The following RP1 variants were observed in gnomAD, a reference collection of about 807,000 sequenced individuals.
RP1 encodes RP1 axonemal microtubule associated, also known as oxygen-regulated protein 1.
In RP1, 16 loss-of-function variants were observed where a neutral mutation model predicts 14.8. The ratio of observed to expected loss-of-function variants is 1.08; its 90% confidence interval spans 0.73 to 1.65. The LOEUF is 1.65. Ranked by LOEUF, RP1 falls within the 40% of genes most tolerant of loss-of-function variation. RP1 has a pLI of 0.00. For synonymous variants in RP1, 876 were observed against 883.6 expected, an observed-to-expected ratio of 0.99 and a Z score of 0.15; for missense variants, 2,631 against 2,535.0, an observed-to-expected ratio of 1.04 and a Z score of -0.81.
At chr8:54,773,677 T>C (rs1809963796), downstream of RP1, among the ~76,000 whole-genome samples, 1 of 152,100 alleles carries the variant, frequency 6.6e-6, no homozygotes, top group South Asian at 2.1e-4. Flanking sequence ...CTCAGGAAAC[T>C]GTGGCTCAGA....
chr8:54,600,164 C>T (rs1805241860), intron 1 of RP1, among the ~76,000 whole-genome samples: 1 of 152,128 alleles, frequency 6.6e-6, no homozygotes, highest in African/African-American at 2.4e-5. Context: ...CTTTCCCATG[C>T]TGTTCTCGTG....
chr8:54,626,083 G>C lies in RP1; in HGVS notation c.2201G>C (p.Ser734Thr). 16 of 1,613,598 alleles carry C rather than the reference G, an allele frequency of 9.9e-6. No individual in the cohort carries two copies. The highest frequency in any genetic ancestry group is 1.4e-5 in the Non-Finnish European group (16 of 1,179,744). Residue 734 changes from serine to threonine, a missense_variant, in exon 4 of 4, where the codon AGT (serine) becomes ACT (threonine). Physicochemically the swap from Ser to Thr is moderately conservative, Grantham distance 58. Coordinates refer to ENST00000220676, the MANE Select transcript of RP1 (RefSeq NM_006269.2). Reference protein sequence around the residue: ...GILCEEDLQKSDTVIESNTFC... With the variant: ...GILCEEDLQKTDTVIESNTFC... ...CTTTGTGAGGAAGACCTCCAGAAAA[G>C]TGATACTGTAATTGAATCAAATACT... is the stretch of plus-strand genomic sequence containing the variant.
Position 54,622,098 on chromosome 8 carries a change from T to C in RP1, c.616-19T>C. 2 of 1,613,916 alleles carry C rather than the reference T, an allele frequency of 1.2e-6. No individual in the cohort carries two copies. Among genetic ancestry groups the C allele is most frequent in the South Asian group, 2.2e-5 (2 of 91,078 alleles). On this transcript the variant is annotated intron_variant, in intron 2 of 3. Transcript: ENST00000220676. The stretch of plus-strand genomic sequence containing the variant: ...ATAAAATGTGCTCATCTCAGGATAA[T>C]GACTCTGGTCTCTTTTAGGTTCCCA...
chr8:54,837,448 A>C lies in RP1; in HGVS notation c.3616-2A>C. ...AGTTCCCTTTTATCCTTTGTGTTGC[A>C]GATTAATCTCAAAGATATTGGTGAA... is the stretch of plus-strand genomic sequence containing the variant. On this transcript the variant is annotated splice_acceptor_variant, in intron 24 of 28. Transcript: ENST00000637698. LOFTEE classifies it high-confidence loss of function. The C allele has an allele frequency of 1.7e-6, 2 of 1,207,074 alleles. No individual in the cohort carries two copies. Among genetic ancestry groups the C allele is most frequent in the Non-Finnish European group, 2.1e-6 (2 of 965,224 alleles). The allele number at this position is 1,207,074 out of a possible 1,614,324, so 74.8% of individuals were successfully genotyped here.
chr8:54,709,560 G>A (rs1808247207), intron 15 of RP1, among the ~76,000 whole-genome samples: 1 of 152,204 alleles, frequency 6.6e-6, no homozygotes, highest in Admixed American at 6.5e-5. Context: ...TTGGGGAAGA[G>A]ATAGCCAAAA....
At chr8:54,838,655 G>A (rs1250267370) in intron 25 of RP1, among the ~76,000 whole-genome samples, 1 of 152,126 alleles carries the variant, frequency 6.6e-6, no homozygotes, top group South Asian at 2.1e-4. Flanking sequence ...ATGTATATGT[G>A]TATACGTGTG....
chr8:54,717,135 G>T (rs577440840), intron 15 of RP1, among the ~76,000 whole-genome samples: 1 of 152,014 alleles, frequency 6.6e-6, no homozygotes, highest in Non-Finnish European at 1.5e-5. Context: ...CGTCCTCCAG[G>T]TTCTAGGAAT....
chr8:54,718,386 G>T (rs1336224416), intron 15 of RP1, among the ~76,000 whole-genome samples: 2 of 152,172 alleles, frequency 1.3e-5, no homozygotes, highest in South Asian at 4.1e-4. Context: ...CAATGGAGCA[G>T]AATAGAAAGC....
At chr8:54,586,689 C>T (rs1585529804) in intron 1 of RP1, among the ~76,000 whole-genome samples, 1 of 152,226 alleles carries the variant, frequency 6.6e-6, no homozygotes, top group Admixed American at 6.5e-5. Context: ...CAAGCCTTGG[C>T]AATGGTTGGC....
intron 24 of RP1, among the ~76,000 whole-genome samples, chr8:54,789,067 C>A (rs1810398339): frequency 6.6e-6 from 1 of 152,118 alleles, no homozygotes; most frequent in Non-Finnish European, 1.5e-5. Context: ...TTCTGCTTTC[C>A]CCTACAGGGT....
intron 1 of RP1, among the ~76,000 whole-genome samples, chr8:54,581,366 T>A (rs1409066829): frequency 6.6e-6 from 1 of 152,234 alleles, no homozygotes; most frequent in Non-Finnish European, 1.5e-5. Flanking sequence ...TAGTATTCCA[T>A]GGTGTATATG....
At chr8:54,691,966 C>G (rs886690095) in intron 12 of RP1, among the ~76,000 whole-genome samples, 1 of 151,906 alleles carries the variant, frequency 6.6e-6, no homozygotes, top group Non-Finnish European at 1.5e-5. Context: ...TCGCTCCCCC[C>G]TCCCCCAACC....
intron 24 of RP1, among the ~76,000 whole-genome samples, chr8:54,797,963 A>T (rs1308780728): frequency 1.3e-5 from 2 of 149,920 alleles, no homozygotes; most frequent in Non-Finnish European, 3.0e-5. Context: ...GTCACATTAT[A>T]GAACTGGCTA....
At chr8:54,731,406 T>C (rs1282176491) in intron 17 of RP1, among the ~76,000 whole-genome samples, 1 of 152,142 alleles carries the variant, frequency 6.6e-6, no homozygotes, top group Non-Finnish European at 1.5e-5. Flanking sequence ...AATATTCTCC[T>C]AGCTTAGAGT....
chr8:54,822,866 G>A (rs1347261173), intron 24 of RP1, among the ~76,000 whole-genome samples: 1 of 152,224 alleles, frequency 6.6e-6, no homozygotes, highest in Non-Finnish European at 1.5e-5. Flanking sequence ...CTTAGGATGA[G>A]ACCTCTAGGT....
At chr8:54,563,355 G>A (rs150333218) in intron 1 of RP1, among the ~76,000 whole-genome samples, 3 of 152,360 alleles carry the variant, frequency 2.0e-5, no homozygotes, top group African/African-American at 4.8e-5. Flanking sequence ...CTGGCAGTGA[G>A]TGGAGGGCAG....
chr8:54,649,804 T>G (rs77812121), intron 4 of RP1, among the ~76,000 whole-genome samples: 90 of 152,296 alleles, frequency 5.9e-4, no homozygotes, highest in African/African-American at 2.1e-3. Flanking sequence ...CCTTAAGTAT[T>G]GCAAGTCTTC....
intron 18 of RP1, among the ~76,000 whole-genome samples, chr8:54,736,651 G>A (rs1398873198): frequency 6.6e-6 from 1 of 152,098 alleles, no homozygotes; most frequent in African/African-American, 2.4e-5. Flanking sequence ...TGTGAAGTGT[G>A]AATAGCTTTA....
At chr8:54,707,412 T>C (rs1424978187) in intron 15 of RP1, among the ~76,000 whole-genome samples, 2 of 152,220 alleles carry the variant, frequency 1.3e-5, no homozygotes, top group Admixed American at 6.5e-5. Flanking sequence ...CCTAAGACAC[T>C]GTGCCCAGAC....
Sources: allele counts gnomAD v4.1 joint callset (sites outside exome capture counted in the v4.1 genomes callset), GRCh38; gene constraint gnomAD v4.1.1; transcripts MANE v1.5; gene names NCBI Gene and HGNC (gene_info 2026-07-23, HGNC 2026-07-21).